The following CNBD2 variants were observed in gnomAD, a reference collection of about 807,000 sequenced individuals.
CNBD2 encodes the protein cyclic nucleotide binding domain containing 2.
In CNBD2, 64 loss-of-function variants were observed where a neutral mutation model predicts 63.7. That is an observed-to-expected ratio of 1.00 (90% confidence interval 0.82 to 1.24). The LOEUF (loss-of-function observed/expected upper bound fraction) is 1.24. CNBD2 is among the 50% of genes most tolerant of loss of function. The probability of loss-of-function intolerance (pLI) is 0.00; values close to 1 mark genes in which losing one functional copy is unlikely to be tolerated. For missense variants in CNBD2, 691 were observed against 713.5 expected (o/e 0.97, Z 0.36); for synonymous variants, 229 against 255.4 (o/e 0.90, Z 0.99).
intron 9 of CNBD2, 51 bp downstream of exon 9, chr20:36,008,525 G>A: frequency 2.0e-6 from 3 of 1,530,772 alleles, no homozygotes; most frequent in Non-Finnish European, 2.7e-6. Context: ...GTTGCAAAGG[G>A]AGATAATACT....
Position 36,030,642 on chromosome 20 carries a change from G to C in CNBD2, c.1725G>C (p.Leu575Phe), listed in dbSNP as rs1327662666. The change falls in exon 12 of 12, where the codon TTG (leucine) becomes TTC (phenylalanine). Residue 575 changes from leucine to phenylalanine, a missense_variant. By Grantham distance (22) the Leu-to-Phe change is conservative (BLOSUM62 0). Transcript: ENST00000373973. Reference protein sequence around the residue: ...KAPRYKIRELLA With the variant: ...KAPRYKIRELFA ...CTCGGTACAAAATCCGAGAACTCTT[G>C]GCTTAGTGTAAGAGCACAGGGGTCC... The C allele has an allele frequency of 6.2e-7, 1 of 1,614,124 alleles. No homozygotes were observed. Among genetic ancestry groups the C allele is most frequent in the South Asian group, 1.1e-5 (1 of 91,080 alleles).
At chr20:36,000,267 A>T (rs1424096496) in intron 8 of CNBD2, among the ~76,000 whole-genome samples, 1 of 148,352 alleles carries the variant, frequency 6.7e-6, no homozygotes, top group Non-Finnish European at 1.5e-5. Flanking sequence ...TTCTTTCACT[A>T]CTTTAAAGAT....
chr20:35,955,846 A>G (rs554244312), downstream of CNBD2, among the ~76,000 whole-genome samples: 43 of 151,974 alleles, frequency 2.8e-4, no homozygotes, highest in African/African-American at 1.0e-3. Context: ...CCGCCTCCCG[A>G]GTAGCTGGGA....
chr20:35,995,407 AC>A (rs1035284923), intron 8 of CNBD2, among the ~76,000 whole-genome samples: 1 of 146,072 alleles, frequency 6.8e-6, no homozygotes, highest in Non-Finnish European at 1.5e-5. Context: ...CATATCCCCC[AC>A]CCTTTTTTTC....
intron 11 of CNBD2, 124 bp from the exon 12 acceptor site, chr20:36,030,233 G>C: frequency 1.1e-6 from 1 of 925,236 alleles, no homozygotes; most frequent in Non-Finnish European, 1.7e-6. Context: ...TGCAGAAGGA[G>C]AGTCTGGGAG....
intron 8 of CNBD2, among the ~76,000 whole-genome samples, chr20:36,001,020 C>A (rs920998877): frequency 2.0e-5 from 3 of 150,724 alleles, no homozygotes; most frequent in African/African-American, 7.3e-5. Flanking sequence ...TCCATTTAAC[C>A]CTGAGTGGAC....
At chr20:36,010,444 C>CAA (rs147122121) in intron 9 of CNBD2, among the ~76,000 whole-genome samples, 949 of 92,906 alleles carry the variant, frequency 0.01, 16 homozygotes, top group African/African-American at 0.031. Flanking sequence ...AACTCTGTCT[C>CAA]AAAAAAAAAA....
downstream of CNBD2, among the ~76,000 whole-genome samples, chr20:35,955,940 C>T (rs181045190): frequency 3.3e-5 from 5 of 152,230 alleles, no homozygotes; most frequent in African/African-American, 1.2e-4. Flanking sequence ...AGACTGGTCT[C>T]GAACTCTTGA....
intron 8 of CNBD2, among the ~76,000 whole-genome samples, chr20:36,005,692 T>A (rs1469745373): frequency 6.6e-6 from 1 of 152,110 alleles, no homozygotes; most frequent in Admixed American, 6.6e-5. Flanking sequence ...GGCTCACACC[T>A]GTAATCCCAG....
chr20:36,002,028 T>C (rs948887563), intron 8 of CNBD2, among the ~76,000 whole-genome samples: 6 of 152,124 alleles, frequency 3.9e-5, no homozygotes, highest in Non-Finnish European at 8.8e-5. Flanking sequence ...CTCGGCACTT[T>C]GGGAGGCCAA....
At chr20:36,026,644 C>G (rs557900828) in intron 11 of CNBD2, among the ~76,000 whole-genome samples, 1 of 152,314 alleles carries the variant, frequency 6.6e-6, no homozygotes, top group East Asian at 1.9e-4. Flanking sequence ...CTGCACATAC[C>G]TTGCCTTTGC....
upstream of CNBD2, among the ~76,000 whole-genome samples, chr20:35,965,263 C>T (rs1321614531): frequency 6.7e-6 from 1 of 149,380 alleles, no homozygotes; most frequent in East Asian, 2.0e-4. Flanking sequence ...CTGCAACCTG[C>T]GCCTCCCAGG....
At chr20:36,001,950 C>T (rs1468497456) in intron 8 of CNBD2, among the ~76,000 whole-genome samples, 9 of 145,210 alleles carry the variant, frequency 6.2e-5, no homozygotes, top group South Asian at 2.2e-4. Context: ...ACGTCCCAGA[C>T]GATGGGCGGC....
At chr20:35,987,650 C>A in intron 7 of CNBD2, 117 bp downstream of exon 7, 1 of 1,191,226 alleles carries the variant, frequency 8.4e-7, no homozygotes, top group Non-Finnish European at 1.2e-6. Context: ...CAATTCACTT[C>A]CTTCTCAGAG....
At chr20:36,019,529 G>GAAAAA (rs60556168) in intron 10 of CNBD2, among the ~76,000 whole-genome samples, 41 of 71,706 alleles carry the variant, frequency 5.7e-4, no homozygotes, top group South Asian at 1.5e-3. Context: ...CTCAAAAAAA[G>GAAAAA]AAAAAAAAAA....
chr20:35,984,083 GC>G lies in CNBD2; in HGVS notation c.510del (p.Ser170ArgfsTer5), dbSNP rs775864744. 1.8e-5 allele frequency: 29 copies of G among 1,613,738 alleles called. No individual in the cohort carries two copies. In the Admixed American group the frequency reaches 4.8e-4, roughly 27 times the overall value. The stretch of plus-strand genomic sequence containing the variant: ...GCAATAACCAAGGACGAGGATGGCA[GC>G]AGTGCCTTCCTAGATCCCCACCCGA... ...TVAITKDEDG[S>X]SAFLDPHPKL... On this transcript the variant is annotated frameshift_variant, in exon 5 of 12. Coordinates refer to ENST00000373973, the MANE Select transcript of CNBD2 (RefSeq NM_001365709.1). LOFTEE classifies it high-confidence loss of function.
At chr20:35,960,807 TCTTCC>T (rs552308196) in intron 2 of CNBD2, among the ~76,000 whole-genome samples, 92 of 78,802 alleles carry the variant, frequency 1.2e-3, no homozygotes, top group East Asian at 0.011. Flanking sequence ...TCTTCCCTTC[TCTTCC>T]CTTCCCTTCC....
intron 8 of CNBD2, among the ~76,000 whole-genome samples, chr20:36,002,241 AC>A (rs541398684): frequency 7.3e-4 from 111 of 152,352 alleles, no homozygotes; most frequent in South Asian, 1.7e-3. Context: ...CCAAAAAAAT[AC>A]GAAAACCAGT....
downstream of CNBD2, among the ~76,000 whole-genome samples, chr20:35,957,079 G>A (rs756370318): frequency 5.9e-5 from 9 of 152,156 alleles, no homozygotes; most frequent in Non-Finnish European, 8.8e-5. Context: ...TGTTATGTTA[G>A]ATCTCTAGTC....
Sources: allele counts gnomAD v4.1 joint callset (sites outside exome capture counted in the v4.1 genomes callset), GRCh38; gene constraint gnomAD v4.1.1; transcripts MANE v1.5; gene names NCBI Gene and HGNC (gene_info 2026-07-23, HGNC 2026-07-21).